The following CTNNA2 variants were observed in gnomAD, a reference collection of about 807,000 sequenced individuals.
CTNNA2 encodes the protein catenin alpha 2, also known as catenin alpha-2.
A neutral mutation model predicts 101.0 loss-of-function variants in CTNNA2; 42 were observed. That is an observed-to-expected ratio of 0.42 (90% CI 0.32 to 0.54). CTNNA2 has a LOEUF of 0.54. Among genes scored for constraint, CTNNA2 ranks in the 20% least tolerant of loss-of-function variants. The pLI, the probability that CTNNA2 is intolerant of heterozygous loss-of-function variation, is 0.14. For synonymous variants in CTNNA2, 450 were observed against 456.4 expected, an observed-to-expected ratio of 0.99 and a Z score of 0.18; for missense variants, 871 against 1,223.1, an observed-to-expected ratio of 0.71 and a Z score of 4.29.
At chr2:80,063,106 C>A (rs1697722812) in intron 7 of CTNNA2, among the ~76,000 whole-genome samples, 2 of 152,022 alleles carry the variant, frequency 1.3e-5, no homozygotes, top group African/African-American at 2.4e-5. Context: ...GTATTTTTTT[C>A]TTTTTCTGAT....
At chr2:79,724,688 G>A (rs1010591811) in intron 2 of CTNNA2, among the ~76,000 whole-genome samples, 3 of 151,694 alleles carry the variant, frequency 2.0e-5, no homozygotes, top group East Asian at 1.9e-4. Flanking sequence ...GGTCGTGGGC[G>A]CCTGTAGTCC....
At chr2:80,090,168 G>C (rs202141162) in intron 7 of CTNNA2, among the ~76,000 whole-genome samples, 30,526 of 150,686 alleles carry the variant, frequency 0.2, 3,867 homozygotes, top group East Asian at 0.49. Flanking sequence ...GTGTGTGTGT[G>C]TGTGTGTGTG....
At chr2:79,495,704 A>G (rs1226834676) in intron 4 of CTNNA2, among the ~76,000 whole-genome samples, 1 of 152,214 alleles carries the variant, frequency 6.6e-6, no homozygotes, top group Admixed American at 6.5e-5. Flanking sequence ...TGGAAATAAC[A>G]TATCTATTAA....
intron 18 of CTNNA2, among the ~76,000 whole-genome samples, chr2:80,633,083 A>G (rs1202317626): frequency 6.6e-6 from 1 of 152,168 alleles, no homozygotes; most frequent in Non-Finnish European, 1.5e-5. Flanking sequence ...TGAACAAGAA[A>G]TACAGGGAAT....
intron 2 of CTNNA2, among the ~76,000 whole-genome samples, chr2:79,719,986 G>C (rs1174469931): frequency 6.6e-6 from 1 of 152,092 alleles, no homozygotes; most frequent in East Asian, 1.9e-4. Flanking sequence ...GTTGAGAAGG[G>C]TATTTCCTAG....
chr2:79,770,544 C>G (rs72912714), intron 3 of CTNNA2, among the ~76,000 whole-genome samples: 3,404 of 152,220 alleles, frequency 0.022, 139 homozygotes, highest in African/African-American at 0.076. Context: ...ATACTGTCTG[C>G]ACACAGTAAG....
intron 1 of CTNNA2, among the ~76,000 whole-genome samples, chr2:79,577,544 A>G (rs1199947408): frequency 6.6e-6 from 1 of 152,152 alleles, no homozygotes; most frequent in Non-Finnish European, 1.5e-5. Context: ...AAAATAATAA[A>G]GTAAATGGTA....
At chr2:80,036,129 A>G (rs187489198) in intron 7 of CTNNA2, among the ~76,000 whole-genome samples, 1 of 152,300 alleles carries the variant, frequency 6.6e-6, no homozygotes, top group East Asian at 1.9e-4. Flanking sequence ...TGCTGGATAG[A>G]AGCAGTGCGA....
chr2:80,431,408 C>T (rs1035416037), intron 9 of CTNNA2, among the ~76,000 whole-genome samples: 4 of 152,176 alleles, frequency 2.6e-5, no homozygotes, highest in African/African-American at 9.6e-5. Context: ...TCAGATTTTG[C>T]ATCTGGCTTG....
At chr2:79,285,853 G>T (rs1268072295) in intron 2 of CTNNA2, among the ~76,000 whole-genome samples, 11 of 147,326 alleles carry the variant, frequency 7.5e-5, no homozygotes, top group South Asian at 2.1e-4. Flanking sequence ...TGACAGTGGG[G>T]TGTTAAAGTC....
intron 7 of CTNNA2, among the ~76,000 whole-genome samples, chr2:79,981,255 T>C (rs1691247293): frequency 6.6e-6 from 1 of 152,076 alleles, no homozygotes. Context: ...AAGCACGCAT[T>C]TTTAGACTAA....
Position 79,909,580 on chromosome 2 carries a change from TG to T in CTNNA2, c.853-13del. On this transcript the variant is annotated splice_polypyrimidine_tract_variant and intron_variant, in intron 6 of 18. Transcript: ENST00000402739. ...CTCTGCTGATTTTTGTGTGTGTGTG[TG>T]TGATACTTTCAGAATAAGATTATCC... 1 of 1,592,140 alleles carries T rather than the reference TG, an allele frequency of 6.3e-7. No homozygotes were observed. The highest frequency in any genetic ancestry group is 8.6e-7 in the Non-Finnish European group (1 of 1,163,202).
intron 4 of CTNNA2, among the ~76,000 whole-genome samples, chr2:79,503,796 C>A (rs902603705): frequency 6.6e-6 from 1 of 152,102 alleles, no homozygotes; most frequent in Non-Finnish European, 1.5e-5. Context: ...GGATATAATT[C>A]TTTCATTGAA....
Position 80,302,697 on chromosome 2 carries a change from G to A in CTNNA2, c.1057-90514G>A, listed in dbSNP as rs1477743772. The A allele has an allele frequency of 1.2e-6, 2 of 1,612,638 alleles. No homozygotes were observed. The highest frequency in any genetic ancestry group is 2.2e-5 in the East Asian group (1 of 44,854). ...TCACTGCGGTTGGTGACGGCCGAGA[G>A]CAGGTGGCCGCTGGTGGGCTCGGCC... On this transcript the variant is annotated intron_variant, in intron 7 of 18. Transcript: ENST00000402739. This position sits in a 1 kb window ranked among gnomAD's most constrained non-coding sequence, Gnocchi z 6.4.
At chr2:80,346,716 A>G (rs1427694686) in intron 7 of CTNNA2, among the ~76,000 whole-genome samples, 1 of 152,182 alleles carries the variant, frequency 6.6e-6, no homozygotes, top group African/African-American at 2.4e-5. Context: ...CAAGGTATTT[A>G]TCTAAATTTC....
At chr2:80,305,717 A>G (rs1414307070) in intron 7 of CTNNA2, among the ~76,000 whole-genome samples, 1 of 151,794 alleles carries the variant, frequency 6.6e-6, no homozygotes, top group Non-Finnish European at 1.5e-5. Context: ...CCACACACAC[A>G]CCTTGTGCCT....
At chr2:79,245,943 G>A (rs1293201564) in intron 2 of CTNNA2, among the ~76,000 whole-genome samples, 1 of 152,208 alleles carries the variant, frequency 6.6e-6, no homozygotes, top group Non-Finnish European at 1.5e-5. Context: ...ATAGCTCAGA[G>A]AGGCCACCAA....
rs368717286 is a variant in CTNNA2 at position 79,651,565 on chromosome 2, G to A, written c.9G>A (p.Ser3=). The part of the protein sequence containing the change: MT[S]ATSPIILKWD... ...GTGTTCCCATAGGGAGCATGACTTC[G>A]GCAACTTCACCTATCATTCTGAAAT... The change falls in exon 2 of 19, where the codon TCG becomes TCA. Residue 3 remains serine (S), a synonymous_variant. Coordinates refer to ENST00000402739, the MANE Select transcript of CTNNA2 (RefSeq NM_001282597.3). The A allele has an allele frequency of 6.8e-6, 11 of 1,613,496 alleles. No individual in the cohort carries two copies. The highest frequency in any genetic ancestry group is 2.7e-5 in the African/African-American group (2 of 74,874).
intron 7 of CTNNA2, among the ~76,000 whole-genome samples, chr2:79,982,337 A>AC (rs1691402578): frequency 8.1e-6 from 1 of 123,306 alleles, no homozygotes; most frequent in Non-Finnish European, 1.7e-5. Flanking sequence ...ACACATATAA[A>AC]ACATATATAA....
Sources: gnomAD v4.1 joint callset for allele counts (sites outside exome capture counted in the v4.1 genomes callset) on GRCh38, gnomAD v4.1.1 for gene constraint, Gnocchi (gnomAD v3.1) non-coding constraint, MANE v1.5 for transcripts, NCBI Gene and HGNC (gene_info 2026-07-23, HGNC 2026-07-21) for gene names.